DLG2: variants seen among roughly 807,000 people sequenced by gnomAD.
The protein encoded by DLG2 is discs large MAGUK scaffold protein 2, also known as disks large homolog 2.
Under a neutral mutation model 132.5 loss-of-function variants are expected in DLG2, and 45 were observed. The ratio of observed to expected loss-of-function variants is 0.34; its 90% CI spans 0.27 to 0.44. The LOEUF (loss-of-function observed/expected upper bound fraction) is 0.44. DLG2 is among the 20% of genes least tolerant of loss of function. The pLI, the probability that DLG2 is intolerant of heterozygous loss-of-function variation, is 1.00. For missense variants in DLG2, 1,045 were observed against 1,196.9 expected (o/e 0.87, Z 1.87); for synonymous variants, 424 against 419.6 (o/e 1.01, Z -0.13).
chr11:83,805,269 T>C (rs1019011827), intron 17 of DLG2, among the ~76,000 whole-genome samples: 1 of 152,108 alleles, frequency 6.6e-6, no homozygotes, highest in African/African-American at 2.4e-5. Context: ...AGTTATTTTG[T>C]AGCGGGTTAA....
intron 17 of DLG2, among the ~76,000 whole-genome samples, chr11:83,832,328 G>A (rs1026618229): frequency 2.6e-5 from 4 of 152,152 alleles, no homozygotes; most frequent in Non-Finnish European, 4.4e-5. Context: ...GGCATAGATT[G>A]TGGTGATGGT....
chr11:83,833,839 A>G, intron 16 of DLG2, 69 bp from the exon 17 acceptor site: 1 of 1,512,008 alleles, frequency 6.6e-7, no homozygotes, highest in South Asian at 1.2e-5. Flanking sequence ...TTTTACTTTC[A>G]ATGGGATATA....
chr11:84,134,385 G>C (rs1227630076), intron 9 of DLG2, among the ~76,000 whole-genome samples: 1 of 152,032 alleles, frequency 6.6e-6, no homozygotes, highest in African/African-American at 2.4e-5. Context: ...TTTCAATTTG[G>C]GTTAAGAAGT....
intron 6 of DLG2, among the ~76,000 whole-genome samples, chr11:84,892,008 T>G (rs1033773847): frequency 6.6e-6 from 1 of 152,204 alleles, no homozygotes; most frequent in Non-Finnish European, 1.5e-5. Flanking sequence ...TCTATTTAAT[T>G]AAGCAAGTTT....
chr11:85,381,814 A>C (rs1332351617), intron 3 of DLG2, among the ~76,000 whole-genome samples: 1 of 152,156 alleles, frequency 6.6e-6, no homozygotes, highest in Non-Finnish European at 1.5e-5. Flanking sequence ...TGCACACTAA[A>C]AACTACAAAA....
chr11:84,377,848 C>T lies in DLG2; in HGVS notation c.520-126557G>A, dbSNP rs746077347. 1.3e-5 allele frequency among the ~76,000 whole-genome samples: 2 copies of T among 152,114 alleles called. 1 individual carries two copies. Among genetic ancestry groups the T allele is most frequent in the Non-Finnish European group, 2.9e-5 (2 of 68,010 alleles). On this transcript the variant is annotated intron_variant, in intron 7 of 27. Transcript: ENST00000376104. The stretch of plus-strand genomic sequence containing the variant: ...ATAAATCCAGAGGTGGAACTAAATA[C>T]TGAAGCCACCAGCTTCACTGGGGAC...
intron 11 of DLG2, among the ~76,000 whole-genome samples, chr11:84,054,546 A>G (rs2096463664): frequency 2.0e-5 from 3 of 152,070 alleles, no homozygotes; most frequent in South Asian, 4.1e-4. Context: ...TATTTTGAGA[A>G]AAGACATTCT....
intron 3 of DLG2, among the ~76,000 whole-genome samples, chr11:85,379,677 A>C (rs189079052): frequency 6.6e-5 from 10 of 152,166 alleles, no homozygotes; most frequent in Non-Finnish European, 1.5e-4. Flanking sequence ...AGTAAACACT[A>C]TCTAATCCAG....
chr11:84,755,125 A>T (rs1206943590), intron 6 of DLG2, among the ~76,000 whole-genome samples: 1 of 152,220 alleles, frequency 6.6e-6, no homozygotes, highest in African/African-American at 2.4e-5. Context: ...ACACAAACTT[A>T]AAAAATTTAA....
intron 6 of DLG2, among the ~76,000 whole-genome samples, chr11:84,575,571 T>C (rs989246799): frequency 6.6e-6 from 1 of 152,194 alleles, no homozygotes; most frequent in Non-Finnish European, 1.5e-5. Context: ...ACATAGTATA[T>C]ATATTTATGG....
chr11:84,590,208 T>C (rs1181854956), intron 6 of DLG2, among the ~76,000 whole-genome samples: 1 of 152,186 alleles, frequency 6.6e-6, no homozygotes, highest in Non-Finnish European at 1.5e-5. Context: ...ATGAACAGTG[T>C]CCAAATGGGA....
At chr11:83,723,023 G>C (rs947660561) in intron 18 of DLG2, among the ~76,000 whole-genome samples, 1 of 152,122 alleles carries the variant, frequency 6.6e-6, no homozygotes, top group Non-Finnish European at 1.5e-5. Context: ...GATGCAATTA[G>C]GAACAAAGCC....
intron 21 of DLG2, among the ~76,000 whole-genome samples, chr11:83,511,311 A>G (rs933849266): frequency 1.8e-4 from 27 of 152,336 alleles, no homozygotes; most frequent in African/African-American, 6.0e-4. Context: ...CATGCCATTC[A>G]CATAACAATT....
At chr11:85,044,929 T>G (rs1421774895) in intron 6 of DLG2, among the ~76,000 whole-genome samples, 1 of 151,976 alleles carries the variant, frequency 6.6e-6, no homozygotes, top group Non-Finnish European at 1.5e-5. Context: ...CCTGAAAAAT[T>G]TTTCCTCCTA....
At chr11:84,590,793 C>T (rs574139115) in intron 6 of DLG2, among the ~76,000 whole-genome samples, 3 of 152,186 alleles carry the variant, frequency 2.0e-5, no homozygotes, top group Non-Finnish European at 4.4e-5. Flanking sequence ...TCATAGAGCA[C>T]GCAAACTTTT....
At chr11:83,586,212 G>A (rs527417534) in intron 19 of DLG2, among the ~76,000 whole-genome samples, 3 of 152,234 alleles carry the variant, frequency 2.0e-5, no homozygotes, top group Non-Finnish European at 4.4e-5. Flanking sequence ...CAGAAAAAAG[G>A]GCTTTGCCAG....
intron 6 of DLG2, among the ~76,000 whole-genome samples, chr11:84,897,826 C>T (rs140552592): frequency 1.2e-3 from 180 of 151,922 alleles, no homozygotes; most frequent in African/African-American, 4.2e-3. Context: ...TAATTTAACA[C>T]TTACTGGATC....
intron 4 of DLG2, among the ~76,000 whole-genome samples, chr11:85,263,207 G>T (rs1345907180): frequency 1.3e-5 from 2 of 152,216 alleles, no homozygotes; most frequent in African/African-American, 4.8e-5. Context: ...GTCCAGGTAT[G>T]AATTATGCAG....
rs112882985 is a variant in DLG2, at chr11:84,235,097, T to G, written c.573+16141A>C. On this transcript the variant is annotated intron_variant, in intron 8 of 27. Coordinates refer to ENST00000376104, the MANE Select transcript of DLG2 (RefSeq NM_001142699.3). ...ACTCCCTTCTATTCATTCCAGGTCT[T>G]TAGATAAACTCTTTCAACCAATGCC... is the stretch of plus-strand genomic sequence containing the variant. 1.8e-4 allele frequency among the ~76,000 whole-genome samples: 28 copies of G among 152,328 alleles called. 1 individual carries two copies. Among genetic ancestry groups the G allele is most frequent in the African/African-American group, 6.5e-4 (27 of 41,586 alleles).
Sources: allele counts gnomAD v4.1 joint callset (sites outside exome capture counted in the v4.1 genomes callset), GRCh38; gene constraint gnomAD v4.1.1; transcripts MANE v1.5; gene names NCBI Gene and HGNC (gene_info 2026-07-23, HGNC 2026-07-21).